RIMS4: variants seen among roughly 807,000 people sequenced by gnomAD.
The protein encoded by RIMS4 is regulating synaptic membrane exocytosis protein 4.
RIMS4 carries 9 observed loss-of-function variants against 29.0 expected under a neutral mutation model. That is an observed-to-expected ratio of 0.31 (90% CI 0.19 to 0.54). RIMS4 has a LOEUF of 0.54. Ranked by LOEUF, RIMS4 falls within the 20% of genes least tolerant of loss-of-function variation. RIMS4 has a pLI of 0.94. For missense variants in RIMS4, 193 were observed against 365.7 expected (o/e 0.53, Z 3.85); for synonymous variants, 130 against 152.9 (o/e 0.85, Z 1.10).
chr20:44,766,348 G>T (rs577164741), intron 2 of RIMS4, among the ~76,000 whole-genome samples: 2 of 152,184 alleles, frequency 1.3e-5, no homozygotes, highest in Admixed American at 1.3e-4. Flanking sequence ...AGGGTGAAGG[G>T]GGAGCAGGGG....
intron 1 of RIMS4, among the ~76,000 whole-genome samples, chr20:44,772,977 G>C (rs547720621): frequency 6.6e-6 from 1 of 152,128 alleles, no homozygotes. Flanking sequence ...TGCATGCGTA[G>C]ATACAAACAC....
At chr20:44,766,945 G>C (rs2066116343) in intron 2 of RIMS4, among the ~76,000 whole-genome samples, 1 of 152,196 alleles carries the variant, frequency 6.6e-6, no homozygotes, top group African/African-American at 2.4e-5. Context: ...AACTCGTTAA[G>C]AGCTGGAATA....
chr20:44,801,453 C>A (rs928648876), intron 1 of RIMS4, among the ~76,000 whole-genome samples: 1 of 152,186 alleles, frequency 6.6e-6, no homozygotes, highest in African/African-American at 2.4e-5. Context: ...CAGCACTTTG[C>A]CCCCTTTACA....
intron 1 of RIMS4, among the ~76,000 whole-genome samples, chr20:44,799,264 C>T (rs1311983211): frequency 2.0e-5 from 3 of 152,062 alleles, no homozygotes; most frequent in South Asian, 2.1e-4. Context: ...GATCATGCCA[C>T]TGCACTCTAG....
chr20:44,805,128 A>G (rs1439879437), intron 1 of RIMS4, among the ~76,000 whole-genome samples: 1 of 151,738 alleles, frequency 6.6e-6, no homozygotes, highest in Non-Finnish European at 1.5e-5. Flanking sequence ...GTGAAACCCC[A>G]TCTCTACAAA....
chr20:44,790,426 T>G (rs1055299049), intron 1 of RIMS4, among the ~76,000 whole-genome samples: 2 of 152,096 alleles, frequency 1.3e-5, no homozygotes, highest in Non-Finnish European at 2.9e-5. Flanking sequence ...TCCTCTACCC[T>G]CCTTCCATTT....
intron 1 of RIMS4, among the ~76,000 whole-genome samples, chr20:44,805,470 G>T (rs949041099): frequency 6.6e-6 from 1 of 152,132 alleles, no homozygotes; most frequent in African/African-American, 2.4e-5. Context: ...AAATGGGAAG[G>T]GGGGTGTGGT....
rs1250803575 is a variant in RIMS4, at chr20:44,764,185, T to C, written c.237-6001A>G. Among the ~76,000 whole-genome samples the C allele has an allele frequency of 7.4e-3, 67 of 9,080 alleles. 1 individual carries two copies. The highest frequency in any genetic ancestry group is 0.013 in the Non-Finnish European group (31 of 2,404). The allele number at this position is 9,080 out of a possible 152,430, so 6.0% of individuals were successfully genotyped here. ...ATCCATCCATCCATCCATCCATCCA[T>C]CCATTTATCCATCCATCCATCCATC... On this transcript the variant is annotated intron_variant, in intron 2 of 5. Coordinates refer to ENST00000372851, the MANE Select transcript of RIMS4 (RefSeq NM_182970.4).
chr20:44,789,920 C>T (rs1468699237), intron 1 of RIMS4, among the ~76,000 whole-genome samples: 1 of 152,216 alleles, frequency 6.6e-6, no homozygotes, highest in Non-Finnish European at 1.5e-5. Flanking sequence ...GTTGAGCTGC[C>T]TGTCAACAGA....
chr20:44,765,400 G>C (rs2066109370), intron 2 of RIMS4, among the ~76,000 whole-genome samples: 1 of 152,124 alleles, frequency 6.6e-6, no homozygotes, highest in African/African-American at 2.4e-5. Flanking sequence ...AGGAAAACAG[G>C]AATAAAGAAC....
Position 44,794,761 on chromosome 20 carries a change from G to A in RIMS4, c.97+15414C>T, listed in dbSNP as rs143610078. Among the ~76,000 whole-genome samples, 412 of 152,228 alleles carry A rather than the reference G, an allele frequency of 2.7e-3. 2 individuals carry two copies. The highest frequency in any genetic ancestry group is 9.2e-3 in the African/African-American group (381 of 41,536). ...TTTTGTCTCTTGCGCACTGGCCCAC[G>A]TGGCCAGCCCAGACACCAGGAGATA... is the stretch of plus-strand genomic sequence containing the variant. On this transcript the variant is annotated intron_variant, in intron 1 of 5. Coordinates refer to ENST00000372851, the MANE Select transcript of RIMS4 (RefSeq NM_182970.4).
rs1270074290 is a variant in RIMS4, at chr20:44,769,464, G to A, written c.236+1811C>T. On this transcript the variant is annotated intron_variant, in intron 2 of 5. Coordinates refer to ENST00000372851, the MANE Select transcript of RIMS4 (RefSeq NM_182970.4). ...ACTGATGTGCTCAAGCCCACCCAGGGGCATGAGTGGCAGAGCCAGGATTAG... is the reference window on the plus strand; with the variant it reads ...ACTGATGTGCTCAAGCCCACCCAGGAGCATGAGTGGCAGAGCCAGGATTAG... Among the ~76,000 whole-genome samples, 3 of 152,268 alleles carry A rather than the reference G, an allele frequency of 2.0e-5. No individual in the cohort carries two copies. The East Asian group carries it at 5.8e-4, about 29-fold the overall frequency.
chr20:44,778,578 T>C (rs1411136468), intron 1 of RIMS4, among the ~76,000 whole-genome samples: 1 of 152,110 alleles, frequency 6.6e-6, no homozygotes, highest in African/African-American at 2.4e-5. Context: ...GGTGGGAGGA[T>C]TGCTGGAGCC....
intron 2 of RIMS4, among the ~76,000 whole-genome samples, chr20:44,770,253 G>A (rs1601025262): frequency 6.6e-6 from 1 of 152,142 alleles, no homozygotes; most frequent in African/African-American, 2.4e-5. Flanking sequence ...TTCCAGACCT[G>A]GTAACACACT....
intron 1 of RIMS4, among the ~76,000 whole-genome samples, chr20:44,782,978 C>T (rs1157064984): frequency 4.6e-5 from 7 of 152,206 alleles, no homozygotes; most frequent in Admixed American, 4.6e-4. Flanking sequence ...AACTCAATGA[C>T]ATAACATGTG....
chr20:44,808,433 A>G (rs1461571490), intron 1 of RIMS4, among the ~76,000 whole-genome samples: 1 of 152,142 alleles, frequency 6.6e-6, no homozygotes, highest in Non-Finnish European at 1.5e-5. Context: ...TGATGCTCCT[A>G]CAAACCCATG....
rs115274300 is a variant in RIMS4, at chr20:44,790,029, T to A, written c.98-18616A>T. Among the ~76,000 whole-genome samples the A allele has an allele frequency of 5.1e-3, 774 of 152,354 alleles. 4 individuals carry two copies. The highest frequency in any genetic ancestry group is 0.018 in the African/African-American group (735 of 41,576). ...GACTGGGATGGGAACTGAGCTGTGG[T>A]CCCCAGGTGGGACACTGGATCAGCA... On this transcript the variant is annotated intron_variant, in intron 1 of 5. Transcript: ENST00000372851.
chr20:44,775,936 TACAA>T (rs1025763595), intron 1 of RIMS4, among the ~76,000 whole-genome samples: 4 of 152,182 alleles, frequency 2.6e-5, no homozygotes, highest in Non-Finnish European at 4.4e-5. Context: ...TGAAAGTAAA[TACAA>T]ACAAATTCAT....
At chr20:44,805,331 A>G (rs924977479) in intron 1 of RIMS4, among the ~76,000 whole-genome samples, 6 of 152,074 alleles carry the variant, frequency 3.9e-5, no homozygotes, top group Admixed American at 1.3e-4. Flanking sequence ...ATAAATAAAT[A>G]AAGTGGTTTG....
Sources: gnomAD v4.1 joint callset for allele counts (sites outside exome capture counted in the v4.1 genomes callset) on GRCh38, gnomAD v4.1.1 for gene constraint, MANE v1.5 for transcripts, NCBI Gene and HGNC (gene_info 2026-07-23, HGNC 2026-07-21) for gene names.